The following ATP13A4 variants were observed in gnomAD, a reference collection of about 807,000 sequenced individuals.
ATP13A4 encodes the protein probable cation-transporting ATPase 13A4.
In ATP13A4, 114 loss-of-function variants were observed where a neutral mutation model predicts 142.5. The observed-to-expected ratio is 0.80, with a 90% CI of 0.69 to 0.93. ATP13A4 has a LOEUF of 0.93. Among genes scored for constraint, ATP13A4 ranks in the 40% least tolerant of loss-of-function variants. ATP13A4 has a pLI of 0.00. For missense variants in ATP13A4, 1,392 were observed against 1,454.0 expected (o/e 0.96, Z 0.69); for synonymous variants, 488 against 514.8 (o/e 0.95, Z 0.70).
intron 13 of ATP13A4, 124 bp downstream of exon 13, chr3:193,462,638 T>C (rs1718019329): frequency 1.1e-6 from 1 of 871,888 alleles, no homozygotes; most frequent in Non-Finnish European, 1.9e-6. Flanking sequence ...AGAAGATACT[T>C]TGGCAATCAT....
intron 16 of ATP13A4, among the ~76,000 whole-genome samples, chr3:193,455,319 C>T (rs538645779): frequency 2.8e-4 from 33 of 119,456 alleles, no homozygotes; most frequent in Admixed American, 4.6e-4. Context: ...CCAGCCTGGG[C>T]AACAGAGCGA....
chr3:193,447,126 GAGA>G lies in ATP13A4; in HGVS notation c.2152+1077_2152+1079del, dbSNP rs775004888. ...AAAGAGGAAGTAAAGAGAGAGGGTG[GAGA>G]AGGAGGAACACTTGTACATAAATCT... On this transcript the variant is annotated intron_variant, in intron 18 of 29. Coordinates refer to ENST00000342695, the MANE Select transcript of ATP13A4 (RefSeq NM_032279.4). Among the ~76,000 whole-genome samples the G allele has an allele frequency of 3.3e-5, 5 of 152,170 alleles. No homozygotes were observed. The South Asian group carries it at 6.2e-4, about 19-fold the overall frequency.
chr3:193,405,639 T>TC, intron 29 of ATP13A4, among the ~76,000 whole-genome samples: 1 of 151,480 alleles, frequency 6.6e-6, no homozygotes, highest in Non-Finnish European at 1.5e-5. Flanking sequence ...GAGTGTGGAT[T>TC]CCCAGTGACA....
intron 2 of ATP13A4, among the ~76,000 whole-genome samples, chr3:193,577,319 GC>G (rs1724417282): frequency 6.6e-6 from 1 of 152,190 alleles, no homozygotes; most frequent in African/African-American, 2.4e-5. Context: ...CAAATGATTT[GC>G]TTATTGAGCC....
chr3:193,567,237 T>C (rs1724154923), intron 2 of ATP13A4, among the ~76,000 whole-genome samples: 1 of 152,178 alleles, frequency 6.6e-6, no homozygotes, highest in South Asian at 2.1e-4. Flanking sequence ...CCTGATATTA[T>C]CCATGGATGC....
chr3:193,570,554 AG>A (rs1724238263), intron 2 of ATP13A4, among the ~76,000 whole-genome samples: 1 of 152,230 alleles, frequency 6.6e-6, no homozygotes, highest in African/African-American at 2.4e-5. Flanking sequence ...GGAAACTATC[AG>A]GGTGACAGTG....
At chr3:193,500,910 T>A (rs1427954923) in intron 3 of ATP13A4, among the ~76,000 whole-genome samples, 1 of 152,234 alleles carries the variant, frequency 6.6e-6, no homozygotes, top group Non-Finnish European at 1.5e-5. Flanking sequence ...TCTCATTGTG[T>A]GTTCATAACA....
chr3:193,408,400 A>C (rs1370593678), intron 28 of ATP13A4, among the ~76,000 whole-genome samples: 2 of 152,258 alleles, frequency 1.3e-5, no homozygotes, highest in East Asian at 3.8e-4. Context: ...CATATACATA[A>C]TATGCATTTA....
intron 25 of ATP13A4, among the ~76,000 whole-genome samples, chr3:193,428,749 C>T (rs967270213): frequency 2.3e-5 from 3 of 133,200 alleles, no homozygotes; most frequent in African/African-American, 5.8e-5. Context: ...AATGAGAACT[C>T]TTGGACACAG....
At chr3:193,584,898 G>T (rs989342571) in intron 1 of ATP13A4, among the ~76,000 whole-genome samples, 1 of 152,156 alleles carries the variant, frequency 6.6e-6, no homozygotes, top group Non-Finnish European at 1.5e-5. Flanking sequence ...ATGTGTTCAT[G>T]TAACTGAGAC....
chr3:193,525,330 G>A (rs560572546), intron 1 of ATP13A4, among the ~76,000 whole-genome samples: 1 of 152,248 alleles, frequency 6.6e-6, no homozygotes, highest in Admixed American at 6.5e-5. Context: ...CATACAGAGA[G>A]AAATCACAGG....
intron 7 of ATP13A4, among the ~76,000 whole-genome samples, chr3:193,487,505 G>A (rs191433792): frequency 6.0e-4 from 92 of 152,188 alleles, no homozygotes; most frequent in Admixed American, 1.8e-3. Flanking sequence ...ATAGAGAGAC[G>A]AGGTCTCACT....
chr3:193,562,515 C>A (rs1294254322), intron 2 of ATP13A4, among the ~76,000 whole-genome samples: 1 of 152,048 alleles, frequency 6.6e-6, no homozygotes, highest in Non-Finnish European at 1.5e-5. Context: ...GCCACTGTTC[C>A]CTGTTCTCCT....
intron 2 of ATP13A4, among the ~76,000 whole-genome samples, chr3:193,506,637 C>T (rs532450135): frequency 6.6e-6 from 1 of 152,224 alleles, no homozygotes; most frequent in East Asian, 1.9e-4. Context: ...AATTGTAGTT[C>T]CCATAATCCC....
chr3:193,577,685 G>C (rs1724426456), intron 2 of ATP13A4, among the ~76,000 whole-genome samples: 1 of 152,220 alleles, frequency 6.6e-6, no homozygotes, highest in Non-Finnish European at 1.5e-5. Context: ...TAAACCTGTA[G>C]TCCTGAGGCA....
At chr3:193,425,455 T>G (rs1382106982) in intron 25 of ATP13A4, among the ~76,000 whole-genome samples, 1 of 151,730 alleles carries the variant, frequency 6.6e-6, no homozygotes, top group Non-Finnish European at 1.5e-5. Context: ...AACATGGAAT[T>G]GCCCTAAGGG....
At chr3:193,549,328 C>G (rs1444491303) in intron 1 of ATP13A4, among the ~76,000 whole-genome samples, 1 of 151,290 alleles carries the variant, frequency 6.6e-6, no homozygotes, top group African/African-American at 2.4e-5. Flanking sequence ...GAAATAATAG[C>G]TGTGCAACAC....
chr3:193,458,754 G>A lies in ATP13A4; in HGVS notation c.1674+327C>T, dbSNP rs941043319. 23 of 523,568 alleles carry A rather than the reference G, an allele frequency of 4.4e-5. No homozygotes were observed. In the Admixed American group the frequency reaches 6.1e-4, roughly 14 times the overall value. The allele number at this position is 523,568 out of a possible 1,614,324, so 32.4% of individuals were successfully genotyped here. On this transcript the variant is annotated intron_variant, in intron 14 of 29. Transcript: ENST00000342695. ...AAATCTTCGAAACCAGACAATGCTC[G>A]GAGAACAGTACAGAGAGACAAGAAA... is the stretch of plus-strand genomic sequence containing the variant.
intron 9 of ATP13A4, among the ~76,000 whole-genome samples, chr3:193,470,461 T>C (rs1718552071): frequency 6.6e-6 from 1 of 152,212 alleles, no homozygotes; most frequent in Non-Finnish European, 1.5e-5. Flanking sequence ...AGGATGTCAC[T>C]GATGATTTTC....
Sources: gnomAD v4.1 joint callset for allele counts (sites outside exome capture counted in the v4.1 genomes callset) on GRCh38, gnomAD v4.1.1 for gene constraint, MANE v1.5 for transcripts, NCBI Gene and HGNC (gene_info 2026-07-23, HGNC 2026-07-21) for gene names.